Variants in PTPRD observed in about 807,000 individuals in gnomAD.
PTPRD encodes the protein protein tyrosine phosphatase receptor type D.
Under a neutral mutation model 214.5 loss-of-function variants are expected in PTPRD, and 34 were observed. That is an observed-to-expected ratio of 0.16 (90% confidence interval 0.12 to 0.21). The LOEUF (loss-of-function observed/expected upper bound fraction) is 0.21. Among genes scored for constraint, PTPRD ranks in the 10% least tolerant of loss-of-function variants. The pLI, the probability that PTPRD is intolerant of heterozygous loss-of-function variation, is 1.00. For missense variants in PTPRD, 2,545 were observed against 2,398.7 expected (o/e 1.06, Z -1.27); for synonymous variants, 1,128 against 845.7 (o/e 1.33, Z -5.79).
At chr9:9,069,258 G>C (rs549270149) in intron 10 of PTPRD, among the ~76,000 whole-genome samples, 2 of 152,140 alleles carry the variant, frequency 1.3e-5, no homozygotes, top group South Asian at 2.1e-4. Context: ...AATCGAAAAA[G>C]TATCTTTATT....
At chr9:9,117,217 T>A (rs1434302923) in intron 10 of PTPRD, among the ~76,000 whole-genome samples, 1 of 150,522 alleles carries the variant, frequency 6.6e-6, no homozygotes, top group Admixed American at 6.6e-5. Context: ...CTCAGGAAAT[T>A]AAGTTTTTTT....
intron 8 of PTPRD, among the ~76,000 whole-genome samples, chr9:9,407,295 T>A (rs2073829619): frequency 6.6e-6 from 1 of 151,742 alleles, no homozygotes. Context: ...TGTGTAGAAT[T>A]CTAATATATG....
At chr9:9,340,065 T>A (rs1374169046) in intron 9 of PTPRD, among the ~76,000 whole-genome samples, 3 of 152,050 alleles carry the variant, frequency 2.0e-5, no homozygotes, top group Non-Finnish European at 4.4e-5. Flanking sequence ...GTAAGAGAGA[T>A]AGATAAATGG....
intron 11 of PTPRD, among the ~76,000 whole-genome samples, chr9:9,008,407 T>G (rs1413706325): frequency 6.6e-6 from 1 of 151,728 alleles, no homozygotes; most frequent in African/African-American, 2.4e-5. Context: ...TTTTGTATTT[T>G]TATTAGAGAC....
intron 10 of PTPRD, among the ~76,000 whole-genome samples, chr9:9,080,333 G>C (rs930367415): frequency 6.6e-6 from 1 of 151,950 alleles, no homozygotes; most frequent in Admixed American, 6.6e-5. Flanking sequence ...AAAATACATG[G>C]AAAAGTAATT....
At chr9:9,815,815 G>A (rs2048578335) in intron 5 of PTPRD, among the ~76,000 whole-genome samples, 1 of 152,018 alleles carries the variant, frequency 6.6e-6, no homozygotes, top group African/African-American at 2.4e-5. Flanking sequence ...TAAGTTCTGG[G>A]GATTTAATGT....
At chr9:9,929,334 C>A (rs566846962) in intron 5 of PTPRD, among the ~76,000 whole-genome samples, 2 of 152,206 alleles carry the variant, frequency 1.3e-5, no homozygotes, top group South Asian at 4.2e-4. Flanking sequence ...TCCTCTATAC[C>A]CCTTGCTATC....
intron 2 of PTPRD, among the ~76,000 whole-genome samples, chr9:10,400,067 G>A (rs1483469531): frequency 1.3e-5 from 2 of 151,772 alleles, no homozygotes; most frequent in Non-Finnish European, 2.9e-5. Flanking sequence ...CTATTTTATA[G>A]AGCATAACTC....
chr9:10,327,722 C>G (rs1220953022), intron 3 of PTPRD, among the ~76,000 whole-genome samples: 6 of 151,686 alleles, frequency 4.0e-5, no homozygotes, highest in Non-Finnish European at 8.9e-5. Flanking sequence ...ACTTTCCAAA[C>G]CTCCTGAGGA....
At chr9:8,462,216 C>G (rs1469678748) in intron 32 of PTPRD, among the ~76,000 whole-genome samples, 1 of 151,964 alleles carries the variant, frequency 6.6e-6, no homozygotes, top group African/African-American at 2.4e-5. Flanking sequence ...TTCTCTCATC[C>G]TCTCAGTATC....
At chr9:10,429,143 G>A (rs2098653335) in intron 2 of PTPRD, among the ~76,000 whole-genome samples, 3 of 151,760 alleles carry the variant, frequency 2.0e-5, no homozygotes, top group Admixed American at 6.6e-5. Context: ...TATAAAATTT[G>A]TATCAATAAA....
At chr9:9,533,491 G>A (rs180738019) in intron 8 of PTPRD, among the ~76,000 whole-genome samples, 5 of 151,710 alleles carry the variant, frequency 3.3e-5, no homozygotes, top group Admixed American at 3.3e-4. Context: ...GTTTTCTTTT[G>A]GGTATTTTCT....
At chr9:8,461,421 C>T (rs978276601) in intron 32 of PTPRD, among the ~76,000 whole-genome samples, 4 of 151,902 alleles carry the variant, frequency 2.6e-5, no homozygotes, top group African/African-American at 9.7e-5. Context: ...TCTATGATAT[C>T]CGATCCCATT....
intron 2 of PTPRD, among the ~76,000 whole-genome samples, chr9:10,582,942 A>C (rs1591438598): frequency 6.6e-6 from 1 of 152,338 alleles, no homozygotes; most frequent in Non-Finnish European, 1.5e-5. Context: ...GACATAGGAT[A>C]GAGGGAGGAA....
chr9:8,884,628 A>G (rs1020548360), intron 11 of PTPRD, among the ~76,000 whole-genome samples: 1 of 152,226 alleles, frequency 6.6e-6, no homozygotes, highest in African/African-American at 2.4e-5. Flanking sequence ...TGTTCTGGAA[A>G]GGAAATATAG....
At chr9:8,702,886 C>T (rs753776308) in intron 12 of PTPRD, among the ~76,000 whole-genome samples, 5 of 152,306 alleles carry the variant, frequency 3.3e-5, no homozygotes, top group South Asian at 2.1e-4. Context: ...GGATTACAGG[C>T]GTGAGCCACT....
intron 6 of PTPRD, among the ~76,000 whole-genome samples, chr9:9,736,587 G>A (rs2025394): frequency 0.48 from 73,467 of 151,738 alleles, 20,821 homozygotes; most frequent in African/African-American, 0.78. Context: ...AATTGCCATT[G>A]TTGCACTTTT....
At chr9:9,348,367 T>C (rs753580816) in intron 9 of PTPRD, among the ~76,000 whole-genome samples, 4 of 152,144 alleles carry the variant, frequency 2.6e-5, no homozygotes, top group Non-Finnish European at 5.9e-5. Flanking sequence ...ACATTTATTT[T>C]CAATAAATGC....
At chr9:8,361,102 G>A (rs1219190745) in intron 39 of PTPRD, among the ~76,000 whole-genome samples, 1 of 152,134 alleles carries the variant, frequency 6.6e-6, no homozygotes, top group Non-Finnish European at 1.5e-5. Flanking sequence ...AATTATGAAT[G>A]CGTCAGATTA....
Sources: gnomAD v4.1 joint callset for allele counts (sites outside exome capture counted in the v4.1 genomes callset) on GRCh38, gnomAD v4.1.1 for gene constraint, MANE v1.5 for transcripts, NCBI Gene and HGNC (gene_info 2026-07-23, HGNC 2026-07-21) for gene names.